GPR39: variants seen among roughly 807,000 people sequenced by gnomAD.
GPR39 encodes the protein G protein-coupled receptor 39.
Under a neutral mutation model 18.4 loss-of-function variants are expected in GPR39, and 23 were observed. That is an observed-to-expected ratio of 1.25 (90% CI 0.90 to 1.77). The LOEUF is 1.77. Ranked by LOEUF, GPR39 falls within the 40% of genes most tolerant of loss-of-function variation. The probability of loss-of-function intolerance (pLI) is 0.00; values close to 1 mark genes in which losing one functional copy is unlikely to be tolerated. For missense variants in GPR39, 647 were observed against 602.4 expected, an observed-to-expected ratio of 1.07 and a Z score of -0.78; for synonymous variants, 280 against 257.9, an observed-to-expected ratio of 1.09 and a Z score of -0.82.
At position 132,539,912 on chromosome 2, in the gene GPR39, C is replaced by T. The variant is rs74321188; in HGVS notation, c.857-105189C>T. Among the ~76,000 whole-genome samples, 1,108 of 152,238 alleles carry T rather than the reference C, an allele frequency of 7.3e-3. 41 individuals are homozygous for T. The East Asian group carries it at 0.11, about 15-fold the overall frequency. On this transcript the variant is annotated intron_variant, in intron 1 of 1. Coordinates refer to ENST00000329321, the MANE Select transcript of GPR39 (RefSeq NM_001508.3). ...AGGAGGTTTCCAGGCAGATCAGATG[C>T]TCATGTGGAGGAATCTGTAACCCCA...
intron 1 of GPR39, among the ~76,000 whole-genome samples, chr2:132,581,914 A>G (rs771671867): frequency 2.0e-5 from 3 of 152,156 alleles, no homozygotes; most frequent in Non-Finnish European, 4.4e-5. Context: ...GAATCTTTCT[A>G]TGACTGTGGT....
chr2:132,500,173 G>A (rs1678992802), intron 1 of GPR39, among the ~76,000 whole-genome samples: 1 of 152,114 alleles, frequency 6.6e-6, no homozygotes, highest in African/African-American at 2.4e-5. Context: ...TTCTTAGGGG[G>A]AATGTTTTCA....
rs34504049 is a variant in GPR39, at chr2:132,560,918, CT to C, written c.857-84172del. Among the ~76,000 whole-genome samples, 991 of 142,936 alleles carry C rather than the reference CT, an allele frequency of 6.9e-3. 30 individuals are homozygous for C. Among genetic ancestry groups the C allele is most frequent in the Admixed American group, 0.051 (737 of 14,348 alleles). 93.8% of individuals were successfully genotyped at this position (142,936 alleles called of 152,430 possible). On this transcript the variant is annotated intron_variant, in intron 1 of 1. Transcript: ENST00000329321. Reference sequence around the variant, plus strand: ...TTTTTTTGTTTTGTTTTGTTTTTTGCTTTTTTTTTTTGAGATGGAATCTCAC... The same window carrying C: ...TTTTTTTGTTTTGTTTTGTTTTTTGCTTTTTTTTTTGAGATGGAATCTCAC...
intron 1 of GPR39, among the ~76,000 whole-genome samples, chr2:132,465,319 C>T (rs911729257): frequency 7.2e-5 from 11 of 152,180 alleles, no homozygotes; most frequent in African/African-American, 2.7e-4. Flanking sequence ...AACCAGGTGT[C>T]GTCCATCAAC....
At chr2:132,532,714 C>T (rs1679664120) in intron 1 of GPR39, among the ~76,000 whole-genome samples, 1 of 152,110 alleles carries the variant, frequency 6.6e-6, no homozygotes, top group African/African-American at 2.4e-5. Context: ...TAAACATAAT[C>T]CGGCATATAA....
At chr2:132,481,800 C>T (rs951806659) in intron 1 of GPR39, among the ~76,000 whole-genome samples, 1 of 152,200 alleles carries the variant, frequency 6.6e-6, no homozygotes, top group African/African-American at 2.4e-5. Flanking sequence ...CTTAATGCCA[C>T]TGCTCAACCT....
At chr2:132,565,171 G>T (rs904381591) in intron 1 of GPR39, among the ~76,000 whole-genome samples, 1 of 151,976 alleles carries the variant, frequency 6.6e-6, no homozygotes, top group African/African-American at 2.4e-5. Flanking sequence ...ATTTAGTGGC[G>T]TGACGATTAG....
At chr2:132,603,713 C>T (rs1681086491) in intron 1 of GPR39, among the ~76,000 whole-genome samples, 1 of 152,088 alleles carries the variant, frequency 6.6e-6, no homozygotes, top group East Asian at 1.9e-4. Flanking sequence ...TGTGGGCGTG[C>T]GTGTGCGAAA....
chr2:132,625,203 T>C (rs1681520615), intron 1 of GPR39, among the ~76,000 whole-genome samples: 1 of 152,134 alleles, frequency 6.6e-6, no homozygotes, highest in Admixed American at 6.5e-5. Flanking sequence ...GACGTCTTGC[T>C]GTGGTGTTAA....
intron 1 of GPR39, among the ~76,000 whole-genome samples, chr2:132,490,480 T>C (rs1681435130): frequency 6.6e-6 from 1 of 151,982 alleles, no homozygotes; most frequent in African/African-American, 2.4e-5. Flanking sequence ...TCCAGACACT[T>C]CTACACAACG....
At chr2:132,418,516 C>T (rs1354798039) in intron 1 of GPR39, 1 of 152,186 alleles carries the variant, frequency 6.6e-6, no homozygotes, top group East Asian at 1.9e-4. Context: ...TGGGTCTGTT[C>T]CTTACCAGAC....
At chr2:132,586,756 A>C (rs1370535102) in intron 1 of GPR39, among the ~76,000 whole-genome samples, 1 of 152,244 alleles carries the variant, frequency 6.6e-6, no homozygotes, top group East Asian at 1.9e-4. Context: ...CTGGGTCTTC[A>C]AAAGAATATG....
At chr2:132,470,401 A>G (rs966830099) in intron 1 of GPR39, among the ~76,000 whole-genome samples, 5 of 152,046 alleles carry the variant, frequency 3.3e-5, no homozygotes, top group Admixed American at 2.0e-4. Context: ...CGTCTGGGGA[A>G]AGACTGTTCC....
At chr2:132,592,468 G>A (rs1274827123) in intron 1 of GPR39, among the ~76,000 whole-genome samples, 1 of 152,062 alleles carries the variant, frequency 6.6e-6, no homozygotes. Flanking sequence ...ATGAGGTCAG[G>A]GAAAAAAGTG....
chr2:132,443,172 A>G lies in GPR39; in HGVS notation c.856+25274A>G, dbSNP rs559561131. Reference sequence around the variant, plus strand: ...CACATTTTATTTTAGAATAAACATTATATTAAAACTATTGATTTGAATAAC... The same window carrying G: ...CACATTTTATTTTAGAATAAACATTGTATTAAAACTATTGATTTGAATAAC... On this transcript the variant is annotated intron_variant, in intron 1 of 1. Coordinates refer to ENST00000329321, the MANE Select transcript of GPR39 (RefSeq NM_001508.3). Among the ~76,000 whole-genome samples, 3 of 152,314 alleles carry G rather than the reference A, an allele frequency of 2.0e-5. No individual in the cohort carries two copies. In the South Asian group the frequency reaches 6.2e-4, roughly 32 times the overall value.
intron 1 of GPR39, among the ~76,000 whole-genome samples, chr2:132,598,432 T>C (rs1036978608): frequency 2.5e-5 from 1 of 39,706 alleles, no homozygotes; most frequent in Non-Finnish European, 4.8e-5. Context: ...TAAGGTGAAC[T>C]TTTTTTTTTT....
intron 1 of GPR39, among the ~76,000 whole-genome samples, chr2:132,427,011 A>G (rs1176482000): frequency 3.3e-5 from 5 of 151,536 alleles, no homozygotes; most frequent in African/African-American, 1.2e-4. Flanking sequence ...TTTAGAAATA[A>G]AACACTTTAC....
intron 1 of GPR39, among the ~76,000 whole-genome samples, chr2:132,570,113 C>T (rs769621964): frequency 3.3e-5 from 5 of 152,122 alleles, no homozygotes; most frequent in Non-Finnish European, 4.4e-5. Flanking sequence ...TGGGGCTCCC[C>T]GGGAGCCCAC....
rs568103669 is a variant in GPR39 at position 132,531,396 on chromosome 2, A to G, written c.856+113498A>G. ...GCAAAGAGACTTAGACTCCCACACA[A>G]TAATAATGGGAGACTTTAACATCCC... On this transcript the variant is annotated intron_variant, in intron 1 of 1. Coordinates refer to ENST00000329321, the MANE Select transcript of GPR39 (RefSeq NM_001508.3). Among the ~76,000 whole-genome samples the G allele has an allele frequency of 2.6e-5, 4 of 152,332 alleles. No homozygotes were observed. In the East Asian group the frequency reaches 7.7e-4, roughly 29 times the overall value.
Sources: allele counts gnomAD v4.1 joint callset (sites outside exome capture counted in the v4.1 genomes callset), GRCh38; gene constraint gnomAD v4.1.1; transcripts MANE v1.5; gene names NCBI Gene and HGNC (gene_info 2026-07-23, HGNC 2026-07-21).